The following TEAD1 variants were observed in gnomAD, a reference collection of about 807,000 sequenced individuals.
The protein encoded by TEAD1 is transcriptional enhancer factor TEF-1.
A neutral mutation model predicts 54.9 loss-of-function variants in TEAD1; 9 were observed. The observed-to-expected ratio is 0.16, with a 90% confidence interval of 0.10 to 0.29. The LOEUF (loss-of-function observed/expected upper bound fraction) is 0.29. Ranked by LOEUF, TEAD1 falls within the 10% of genes least tolerant of loss-of-function variation. The pLI, the probability that TEAD1 is intolerant of heterozygous loss-of-function variation, is 1.00. For synonymous variants in TEAD1, 200 were observed against 187.8 expected (o/e 1.07, Z -0.53); for missense variants, 387 against 535.9 (o/e 0.72, Z 2.74).
intron 3 of TEAD1, among the ~76,000 whole-genome samples, chr11:12,833,325 G>A (rs954903012): frequency 6.6e-6 from 1 of 152,198 alleles, no homozygotes; most frequent in East Asian, 1.9e-4. Context: ...TATGAACATT[G>A]CATTGCAGCC....
chr11:12,720,630 T>C (rs1944175396), intron 2 of TEAD1, among the ~76,000 whole-genome samples: 1 of 152,214 alleles, frequency 6.6e-6, no homozygotes, highest in Non-Finnish European at 1.5e-5. Flanking sequence ...TCCAAGCCAA[T>C]TTCATTTCAA....
intron 9 of TEAD1, among the ~76,000 whole-genome samples, chr11:12,891,678 G>GT (rs1410745054): frequency 3.3e-5 from 5 of 152,212 alleles, no homozygotes; most frequent in Non-Finnish European, 7.3e-5. Flanking sequence ...AGCTCAGAGA[G>GT]TTTAAGTAAC....
At chr11:12,754,068 C>T (rs973638344) in intron 2 of TEAD1, among the ~76,000 whole-genome samples, 1 of 152,150 alleles carries the variant, frequency 6.6e-6, no homozygotes, top group East Asian at 1.9e-4. Context: ...TCTAGATTCT[C>T]TAATCTGATT....
At chr11:12,773,415 T>A (rs193155811) in intron 3 of TEAD1, among the ~76,000 whole-genome samples, 3 of 152,376 alleles carry the variant, frequency 2.0e-5, no homozygotes, top group African/African-American at 7.2e-5. Flanking sequence ...TTTCTCTGCA[T>A]CCTCACCAGC....
At chr11:12,873,686 A>G (rs12277651) in intron 5 of TEAD1, among the ~76,000 whole-genome samples, 15,368 of 152,214 alleles carry the variant, frequency 0.1, 951 homozygotes, top group South Asian at 0.25. Context: ...TTTTCTAATG[A>G]TAAGCAAATT....
chr11:12,840,246 C>CAAAAAAAAAAAAAAAAAAAA (rs1176865272), intron 3 of TEAD1, among the ~76,000 whole-genome samples: 41 of 31,538 alleles, frequency 1.3e-3, no homozygotes, highest in East Asian at 2.7e-3. Context: ...GACTCTGCCT[C>CAAAAAAAAAAAAAAAAAAAA]AAAAAAAAAA....
At chr11:12,865,664 A>G (rs1409154880) in intron 5 of TEAD1, 1 of 152,186 alleles carries the variant, frequency 6.6e-6, no homozygotes, top group Non-Finnish European at 1.5e-5. Flanking sequence ...TTTTATAGGA[A>G]AAATGGGGGC....
chr11:12,810,578 T>C (rs1196506081), intron 3 of TEAD1, among the ~76,000 whole-genome samples: 2 of 152,144 alleles, frequency 1.3e-5, no homozygotes, highest in African/African-American at 4.8e-5. Context: ...CGGAGTCGTT[T>C]TAGACTCGAG....
intron 11 of TEAD1, among the ~76,000 whole-genome samples, chr11:12,928,389 C>T (rs1379076989): frequency 2.0e-5 from 3 of 151,788 alleles, no homozygotes; most frequent in African/African-American, 7.3e-5. Flanking sequence ...TCAAGCAATC[C>T]TCCCACCTCA....
At chr11:12,724,208 C>T (rs1461275871) in intron 2 of TEAD1, among the ~76,000 whole-genome samples, 4 of 152,156 alleles carry the variant, frequency 2.6e-5, no homozygotes, top group South Asian at 4.1e-4. Context: ...TGGGTGTGCA[C>T]GTAGTTTATT....
chr11:12,847,322 A>G (rs538303632), intron 3 of TEAD1, among the ~76,000 whole-genome samples: 12 of 152,290 alleles, frequency 7.9e-5, no homozygotes, highest in African/African-American at 2.9e-4. Flanking sequence ...CTGCCAAGGA[A>G]AAAGCAAAAA....
chr11:12,726,378 G>C (rs149470102), intron 2 of TEAD1, among the ~76,000 whole-genome samples: 1 of 152,324 alleles, frequency 6.6e-6, no homozygotes, highest in African/African-American at 2.4e-5. Context: ...GGAGACCGCA[G>C]ATACTAGGCT....
chr11:12,818,740 G>A (rs1028918753), intron 3 of TEAD1, among the ~76,000 whole-genome samples: 15 of 152,198 alleles, frequency 9.9e-5, no homozygotes, highest in South Asian at 2.1e-4. Context: ...GAAATTGTCC[G>A]CAGGTACTTA....
intron 3 of TEAD1, among the ~76,000 whole-genome samples, chr11:12,775,658 A>G (rs1219081264): frequency 6.7e-6 from 1 of 148,534 alleles, no homozygotes; most frequent in African/African-American, 2.6e-5. Flanking sequence ...ATAAATCTAA[A>G]TATAGAAGTG....
intron 10 of TEAD1, among the ~76,000 whole-genome samples, chr11:12,917,222 C>T (rs546055619): frequency 4.6e-5 from 7 of 152,078 alleles, no homozygotes; most frequent in Non-Finnish European, 8.8e-5. Flanking sequence ...GAGAAGGATT[C>T]GGCTGGTGTT....
chr11:12,904,546 A>T (rs1305874179), intron 10 of TEAD1, among the ~76,000 whole-genome samples: 1 of 152,208 alleles, frequency 6.6e-6, no homozygotes, highest in African/African-American at 2.4e-5. Context: ...CTGCTTGTTG[A>T]CTTTTGATAT....
chr11:12,913,765 G>C (rs148980477), intron 10 of TEAD1, among the ~76,000 whole-genome samples: 354 of 152,346 alleles, frequency 2.3e-3, no homozygotes, highest in African/African-American at 8.1e-3. Context: ...TTTGAGATGT[G>C]AGTTAACTGG....
intron 2 of TEAD1, among the ~76,000 whole-genome samples, chr11:12,713,684 A>G (rs1034853370): frequency 3.3e-5 from 5 of 152,192 alleles, no homozygotes; most frequent in African/African-American, 1.2e-4. Context: ...AAGCGATCTT[A>G]TATCTCATAG....
At chr11:12,778,246 G>A (rs1945470360) in intron 3 of TEAD1, among the ~76,000 whole-genome samples, 1 of 152,120 alleles carries the variant, frequency 6.6e-6, no homozygotes, top group Admixed American at 6.5e-5. Flanking sequence ...CAGGCTCTGG[G>A]GTTCCTATCC....
Sources: gnomAD v4.1 joint callset for allele counts (sites outside exome capture counted in the v4.1 genomes callset) on GRCh38, gnomAD v4.1.1 for gene constraint, MANE v1.5 for transcripts, NCBI Gene and HGNC (gene_info 2026-07-23, HGNC 2026-07-21) for gene names.